Variants in KDM2A observed in about 807,000 individuals in gnomAD.
KDM2A encodes lysine demethylase 2A, also known as lysine-specific demethylase 2A.
Under a neutral mutation model 137.3 loss-of-function variants are expected in KDM2A, and 3 were observed. The observed-to-expected ratio is 0.02, with a 90% CI of 0.01 to 0.06. The LOEUF (loss-of-function observed/expected upper bound fraction) is 0.06. Ranked by LOEUF, KDM2A falls within the 10% of genes least tolerant of loss-of-function variation. KDM2A has a pLI of 1.00. For missense variants in KDM2A, 738 were observed against 1,510.6 expected (o/e 0.49, Z 8.48); for synonymous variants, 512 against 541.5 (o/e 0.95, Z 0.76).
At chr11:67,244,077 G>A (rs1375217745) in intron 13 of KDM2A, among the ~76,000 whole-genome samples, 2 of 152,214 alleles carry the variant, frequency 1.3e-5, no homozygotes, top group Non-Finnish European at 1.5e-5. Context: ...ATAAAGGTAT[G>A]GAGTTGAACA....
chr11:67,252,469 T>A, intron 17 of KDM2A: 2 of 557,576 alleles, frequency 3.6e-6, no homozygotes, highest in South Asian at 4.0e-5. Flanking sequence ...GTGGTCAAGT[T>A]ATATACTATC....
rs1209549035 is a variant in KDM2A at position 67,187,348 on chromosome 11, CAAG to C, written c.307+5459_307+5461del. Among the ~76,000 whole-genome samples the C allele has an allele frequency of 4.0e-5, 6 of 151,890 alleles. No homozygotes were observed. In the East Asian group the frequency reaches 9.6e-4, roughly 24 times the overall value. On this transcript the variant is annotated intron_variant, in intron 5 of 20. Coordinates refer to ENST00000529006, the MANE Select transcript of KDM2A (RefSeq NM_012308.3). ...TGGATTAAATTCCCCAATCAAAAGA[CAAG>C]AAATTGGCAGAATGGATAAAAATGG...
In KDM2A at chr11:67,255,611, C is replaced by T. The variant is rs1468256362; in HGVS notation, c.*556C>T. ...TGCTGTTGAGATCTCCCAAACCTCA[C>T]GTCCTTAACTGTGCTCTCCCTCCTT... On this transcript the variant is annotated 3_prime_UTR_variant, in exon 21 of 21. Coordinates refer to ENST00000529006, the MANE Select transcript of KDM2A (RefSeq NM_012308.3). 1.5e-5 allele frequency: 7 copies of T among 456,218 alleles called. No homozygotes were observed. The East Asian group carries it at 4.2e-4, about 27-fold the overall frequency. 28.3% of individuals were successfully genotyped at this position (456,218 alleles called of 1,614,324 possible). A position where few individuals can be genotyped will look rare whatever the true frequency, so the allele number is the denominator to read the frequency against.
intron 2 of KDM2A, among the ~76,000 whole-genome samples, chr11:67,171,823 A>G (rs1856887618): frequency 6.6e-6 from 1 of 152,236 alleles, no homozygotes; most frequent in Non-Finnish European, 1.5e-5. Flanking sequence ...TGGTCTTGGC[A>G]TGCTTACTGA....
At chr11:67,131,831 A>G (rs1855861462) in intron 2 of KDM2A, 2 of 152,184 alleles carry the variant, frequency 1.3e-5, no homozygotes, top group Admixed American at 6.5e-5. Flanking sequence ...CTTTCTTTTC[A>G]TGAACTTTGA....
chr11:67,122,840 T>TA (rs1855629789), intron 2 of KDM2A, among the ~76,000 whole-genome samples: 1 of 151,788 alleles, frequency 6.6e-6, no homozygotes, highest in South Asian at 2.1e-4. Context: ...TACGCCCAGC[T>TA]AATTTTTTGT....
At chr11:67,136,701 G>A (rs532574712) in intron 2 of KDM2A, among the ~76,000 whole-genome samples, 1 of 152,280 alleles carries the variant, frequency 6.6e-6, no homozygotes, top group South Asian at 2.1e-4. Flanking sequence ...TGGGGACCAG[G>A]TCTGGGGCCC....
chr11:67,193,488 T>C (rs1352402871), intron 5 of KDM2A, among the ~76,000 whole-genome samples: 1 of 152,246 alleles, frequency 6.6e-6, no homozygotes, highest in Non-Finnish European at 1.5e-5. Context: ...AACTCTAGTT[T>C]TAAAAGTTAA....
chr11:67,240,023 C>A, intron 12 of KDM2A: 2 of 1,296,030 alleles, frequency 1.5e-6, no homozygotes, highest in East Asian at 5.9e-5. Context: ...CACTCTCGCT[C>A]GGCTCCCCCT....
At chr11:67,169,777 A>G (rs796597184) in intron 2 of KDM2A, among the ~76,000 whole-genome samples, 6 of 23,598 alleles carry the variant, frequency 2.5e-4, no homozygotes, top group African/African-American at 4.0e-4. Flanking sequence ...TTTTTTTTTG[A>G]GACGGAGTCT....
chr11:67,120,183 AT>A (rs1244732050), intron 1 of KDM2A, 134 bp downstream of exon 1: 1 of 152,176 alleles, frequency 6.6e-6, no homozygotes, highest in African/African-American at 2.4e-5. Context: ...GCCCAGCGAG[AT>A]TCGCCCTTTT....
At chr11:67,211,692 C>CAAAAACTTAATCTTCATTTCT (rs1399785120) in intron 6 of KDM2A, among the ~76,000 whole-genome samples, 1 of 139,062 alleles carries the variant, frequency 7.2e-6, no homozygotes, top group African/African-American at 2.7e-5. Context: ...TTTTAATATT[C>CAAAAACTTAATCTTCATTTCT]AAAAACTTAA....
intron 4 of KDM2A, among the ~76,000 whole-genome samples, 196 bp downstream of exon 4, chr11:67,181,594 A>C (rs1454758621): frequency 4.2e-5 from 6 of 142,422 alleles, no homozygotes; most frequent in Non-Finnish European, 6.2e-5. Flanking sequence ...TAGATGAACC[A>C]AAAAAAAAAA....
intron 2 of KDM2A, among the ~76,000 whole-genome samples, chr11:67,138,085 C>T (rs1320991829): frequency 5.9e-5 from 9 of 152,186 alleles, no homozygotes; most frequent in East Asian, 5.8e-4. Flanking sequence ...CGTGAACCAC[C>T]GCGCCTGGCC....
At chr11:67,240,335 A>T in intron 12 of KDM2A, 1 of 1,535,524 alleles carries the variant, frequency 6.5e-7, no homozygotes, top group Non-Finnish European at 8.7e-7. Flanking sequence ...CTTCACCAAG[A>T]GCCTCGGCAG....
At chr11:67,238,351 A>C (rs1858930363) in intron 12 of KDM2A, among the ~76,000 whole-genome samples, 1 of 152,198 alleles carries the variant, frequency 6.6e-6, no homozygotes, top group South Asian at 2.1e-4. Flanking sequence ...GTTTTCTCTT[A>C]AGTATTCATA....
At chr11:67,177,452 G>T (rs186762528) in intron 2 of KDM2A, among the ~76,000 whole-genome samples, 1 of 148,848 alleles carries the variant, frequency 6.7e-6, no homozygotes, top group African/African-American at 2.5e-5. Flanking sequence ...GTCTACTAAA[G>T]TTTTTTTTTT....
Position 67,253,591 on chromosome 11 carries a change from C to G in KDM2A, c.3071C>G (p.Thr1024Ser). ...IKDPQIRDLL[T>S]PPADKPGQDN... is the part of the protein sequence containing the mutation. ...GACCCTCAAATTCGGGACTTGCTTA[C>G]TCCACCGGCTGATAAACCAGGTATG... Residue 1024 changes from threonine (T) to serine (S), a missense_variant, in exon 19 of 21, where the codon ACT becomes AGT. Thr to Ser is a moderately conservative substitution (Grantham distance 58, BLOSUM62 1). Around this residue, in one of 9 missense-constraint regions of KDM2A, gnomAD observed 166 missense variants for 324.0 expected, o/e 0.51. Coordinates refer to ENST00000529006, the MANE Select transcript of KDM2A (RefSeq NM_012308.3). The G allele has an allele frequency of 6.2e-7, 1 of 1,613,956 alleles. No individual in the cohort carries two copies. Among genetic ancestry groups the G allele is most frequent in the Non-Finnish European group, 8.5e-7 (1 of 1,179,860 alleles).
chr11:67,136,082 C>T (rs1855964316), intron 2 of KDM2A, among the ~76,000 whole-genome samples: 1 of 152,134 alleles, frequency 6.6e-6, no homozygotes, highest in South Asian at 2.1e-4. Context: ...GGAAAAGTCA[C>T]ACTGCATATT....
Sources: allele counts gnomAD v4.1 joint callset (sites outside exome capture counted in the v4.1 genomes callset), GRCh38; gene constraint gnomAD v4.1.1; regional missense constraint gnomAD v4.1.1; transcripts MANE v1.5; gene names NCBI Gene and HGNC (gene_info 2026-07-23, HGNC 2026-07-21).